The following NAV3 variants were observed in gnomAD, a reference collection of about 807,000 sequenced individuals.
NAV3 encodes the protein pore membrane and/or filament interacting like protein 1.
Under a neutral mutation model 244.7 loss-of-function variants are expected in NAV3, and 87 were observed. The observed-to-expected ratio is 0.36, with a 90% CI of 0.30 to 0.42. NAV3 has a LOEUF of 0.42. Ranked by LOEUF, NAV3 falls within the 20% of genes least tolerant of loss-of-function variation. The pLI is 1.00. For missense variants in NAV3, 2,663 were observed against 2,893.3 expected (o/e 0.92, Z 1.83); for synonymous variants, 1,126 against 1,042.2 (o/e 1.08, Z -1.55).
At chr12:77,643,441 A>G (rs950042715) in intron 2 of NAV3, among the ~76,000 whole-genome samples, 2 of 151,718 alleles carry the variant, frequency 1.3e-5, no homozygotes, top group African/African-American at 4.8e-5. Context: ...AGCTAAAAGT[A>G]TATAAACTTA....
intron 12 of NAV3, among the ~76,000 whole-genome samples, chr12:78,096,122 A>G (rs1954237605): frequency 6.6e-6 from 1 of 152,188 alleles, no homozygotes; most frequent in Non-Finnish European, 1.5e-5. Context: ...ACTATTTGGC[A>G]AATAAAAGGG....
At chr12:77,990,354 G>A (rs909746664) in intron 5 of NAV3, among the ~76,000 whole-genome samples, 1 of 152,210 alleles carries the variant, frequency 6.6e-6, no homozygotes, top group Non-Finnish European at 1.5e-5. Context: ...TAGGTCATCT[G>A]TTAGGAAAAC....
At chr12:78,030,287 C>T (rs1310213176) in intron 9 of NAV3, among the ~76,000 whole-genome samples, 1 of 152,136 alleles carries the variant, frequency 6.6e-6, no homozygotes, top group Non-Finnish European at 1.5e-5. Flanking sequence ...CTCAGAATCT[C>T]CATCCTTTAT....
At chr12:78,162,882 A>AT (rs1565744038) in intron 23 of NAV3, among the ~76,000 whole-genome samples, 13 of 139,304 alleles carry the variant, frequency 9.3e-5, no homozygotes, top group African/African-American at 3.6e-4. Flanking sequence ...ATATATATAT[A>AT]ATATATATAA....
chr12:77,709,038 T>G (rs908541471), intron 2 of NAV3, among the ~76,000 whole-genome samples: 2 of 152,206 alleles, frequency 1.3e-5, no homozygotes, highest in African/African-American at 4.8e-5. Flanking sequence ...TTTTCCTAAG[T>G]GAATACCCTT....
At chr12:77,750,035 A>G (rs543678253) in intron 2 of NAV3, among the ~76,000 whole-genome samples, 170 of 152,318 alleles carry the variant, frequency 1.1e-3, no homozygotes, top group African/African-American at 4.0e-3. Context: ...TACAGTATAA[A>G]TGAAAATTAT....
intron 2 of NAV3, among the ~76,000 whole-genome samples, chr12:77,605,789 A>T (rs1870642821): frequency 6.6e-6 from 1 of 151,776 alleles, no homozygotes; most frequent in South Asian, 2.1e-4. Flanking sequence ...CAGTGAGCTG[A>T]GATTGGGGCA....
At chr12:78,050,655 C>A (rs961505827) in intron 10 of NAV3, 109 bp from the exon 11 acceptor site, 2 of 1,115,210 alleles carry the variant, frequency 1.8e-6, no homozygotes, top group African/African-American at 1.6e-5. Flanking sequence ...GGGAAGATGA[C>A]GTGTTTATAA....
chr12:78,073,846 T>C (rs1380727514), intron 12 of NAV3, among the ~76,000 whole-genome samples: 1 of 152,054 alleles, frequency 6.6e-6, no homozygotes, highest in Admixed American at 6.6e-5. Flanking sequence ...AACAGAGATA[T>C]AGATCAATGG....
chr12:77,651,970 T>A (rs1454814912), intron 2 of NAV3, among the ~76,000 whole-genome samples: 3 of 152,110 alleles, frequency 2.0e-5, no homozygotes, highest in African/African-American at 7.2e-5. Flanking sequence ...AAAGCGGAGC[T>A]TTCAAAGTAA....
chr12:78,142,049 A>G (rs754302322), intron 20 of NAV3, among the ~76,000 whole-genome samples: 3 of 152,154 alleles, frequency 2.0e-5, no homozygotes, highest in Non-Finnish European at 4.4e-5. Context: ...AGCACAATAG[A>G]GTGACTATAG....
chr12:78,135,825 T>C (rs1452839062), intron 18 of NAV3, among the ~76,000 whole-genome samples: 2 of 152,160 alleles, frequency 1.3e-5, no homozygotes, highest in Non-Finnish European at 2.9e-5. Flanking sequence ...TTTTACTTTT[T>C]TCGCCTTTCC....
At chr12:77,769,102 C>A (rs956853650) in intron 2 of NAV3, among the ~76,000 whole-genome samples, 2 of 152,094 alleles carry the variant, frequency 1.3e-5, no homozygotes, top group Admixed American at 6.6e-5. Context: ...AAAACTGAGG[C>A]ATGGAAAGGT....
chr12:78,155,788 TGTAA>T (rs759574810), intron 22 of NAV3, among the ~76,000 whole-genome samples: 6 of 152,136 alleles, frequency 3.9e-5, no homozygotes, highest in Non-Finnish European at 5.9e-5. Flanking sequence ...ACTGTCTTCT[TGTAA>T]GTGTCTATTC....
intron 2 of NAV3, among the ~76,000 whole-genome samples, chr12:77,737,325 A>G (rs184384989): frequency 6.6e-6 from 1 of 151,240 alleles, no homozygotes; most frequent in East Asian, 1.9e-4. Flanking sequence ...TTTCTTAAAA[A>G]GGAGGGTGGC....
intron 1 of NAV3, among the ~76,000 whole-genome samples, chr12:77,868,319 A>G (rs1263269255): frequency 6.6e-6 from 1 of 152,160 alleles, no homozygotes; most frequent in Non-Finnish European, 1.5e-5. Context: ...AATATTGTTA[A>G]TATAATAACG....
At position 77,743,362 on chromosome 12, in the gene NAV3, G is replaced by T. The variant is rs568423347; in HGVS notation, c.72+171096G>T. 2.6e-5 allele frequency among the ~76,000 whole-genome samples: 4 copies of T among 151,818 alleles called. No individual in the cohort carries two copies. The East Asian group carries it at 7.8e-4, about 29-fold the overall frequency. On this transcript the variant is annotated intron_variant, in intron 2 of 8. Transcript: ENST00000550042. Reference sequence around the variant, plus strand: ...ATGAGGATTTTTTCGACTAGGGGTTGGTATCCCTAAACTCCATGTTGTTCA... The same window carrying T: ...ATGAGGATTTTTTCGACTAGGGGTTTGTATCCCTAAACTCCATGTTGTTCA...
At chr12:77,896,981 G>A (rs906721138) in intron 1 of NAV3, among the ~76,000 whole-genome samples, 2 of 152,152 alleles carry the variant, frequency 1.3e-5, no homozygotes, top group African/African-American at 2.4e-5. Flanking sequence ...CCTGATCAAA[G>A]TGTGGTCTGT....
chr12:77,647,232 T>A (rs1872640749), intron 2 of NAV3, among the ~76,000 whole-genome samples: 1 of 152,172 alleles, frequency 6.6e-6, no homozygotes, highest in Non-Finnish European at 1.5e-5. Flanking sequence ...GTCAAAAAGC[T>A]AAGCATGTAA....
Sources: gnomAD v4.1 joint callset for allele counts (sites outside exome capture counted in the v4.1 genomes callset) on GRCh38, gnomAD v4.1.1 for gene constraint, MANE v1.5 for transcripts, NCBI Gene and HGNC (gene_info 2026-07-23, HGNC 2026-07-21) for gene names.